Variants in TRPC7 observed in about 807,000 individuals in gnomAD.
The protein encoded by TRPC7 is transient receptor potential cation channel subfamily C member 7, also known as short transient receptor potential channel 7.
A neutral mutation model predicts 90.1 loss-of-function variants in TRPC7; 42 were observed. That is an observed-to-expected ratio of 0.47 (90% confidence interval 0.36 to 0.60). The LOEUF (loss-of-function observed/expected upper bound fraction) is 0.60. TRPC7 is among the 20% of genes least tolerant of loss of function. The pLI, the probability that TRPC7 is intolerant of heterozygous loss-of-function variation, is 0.00. For synonymous variants in TRPC7, 451 were observed against 436.3 expected, an observed-to-expected ratio of 1.03 and a Z score of -0.42; for missense variants, 955 against 1,112.3, an observed-to-expected ratio of 0.86 and a Z score of 2.01.
At position 136,216,258 on chromosome 5, in the gene TRPC7, G is replaced by C; in HGVS notation, c.2361C>G (p.Leu787=). The C allele has an allele frequency of 1.9e-6, 3 of 1,613,068 alleles. No homozygotes were observed. The highest frequency in any genetic ancestry group is 2.5e-6 in the Non-Finnish European group (3 of 1,179,552). The change falls in exon 11 of 12, where the codon CTC becomes CTG. Residue 787 remains leucine (L), a synonymous_variant. Transcript: ENST00000513104. ...PTRYQKIMKR[L]IKRYVLKAQV... is the part of the protein sequence containing the mutation. ...GGGCTTTCAGGACGTATCTTTTTAT[G>C]AGCCGTTTCATGATTTTCTGAAATG... is the stretch of plus-strand genomic sequence containing the variant.
intron 3 of TRPC7, among the ~76,000 whole-genome samples, chr5:136,291,393 A>G (rs1245491776): frequency 6.6e-6 from 1 of 152,172 alleles, no homozygotes; most frequent in Non-Finnish European, 1.5e-5. Flanking sequence ...TATTCAGAAA[A>G]CCCATCTCAT....
At chr5:136,295,937 T>C (rs960726212) in intron 3 of TRPC7, among the ~76,000 whole-genome samples, 1 of 152,268 alleles carries the variant, frequency 6.6e-6, no homozygotes, top group African/African-American at 2.4e-5. Flanking sequence ...CTTTCCTGTA[T>C]ACGCCATCAA....
chr5:136,252,803 T>C (rs939445890), intron 5 of TRPC7, among the ~76,000 whole-genome samples: 1 of 152,230 alleles, frequency 6.6e-6, no homozygotes, highest in African/African-American at 2.4e-5. Context: ...GCTCAGGAAG[T>C]AATGCTGGCT....
At chr5:136,254,847 C>G (rs1236034085) in intron 5 of TRPC7, among the ~76,000 whole-genome samples, 1 of 152,148 alleles carries the variant, frequency 6.6e-6, no homozygotes, top group Non-Finnish European at 1.5e-5. Flanking sequence ...AGATGCCATT[C>G]AGAACATTAG....
chr5:136,309,177 G>A (rs1457068186), intron 3 of TRPC7, among the ~76,000 whole-genome samples: 1 of 152,184 alleles, frequency 6.6e-6, no homozygotes, highest in Non-Finnish European at 1.5e-5. Context: ...CACATTTTGT[G>A]TGCTCCCAGC....
At chr5:136,317,610 C>A (rs1425295544) in intron 2 of TRPC7, among the ~76,000 whole-genome samples, 1 of 152,204 alleles carries the variant, frequency 6.6e-6, no homozygotes, top group African/African-American at 2.4e-5. Context: ...TGTGGCAACT[C>A]AGGTTCCTTA....
chr5:136,235,754 T>C (rs957423366), intron 7 of TRPC7, among the ~76,000 whole-genome samples: 1 of 152,176 alleles, frequency 6.6e-6, no homozygotes, highest in African/African-American at 2.4e-5. Flanking sequence ...AGACTAGATA[T>C]GAGGTTCTTT....
At chr5:136,220,452 T>A (rs1230358271) in intron 10 of TRPC7, among the ~76,000 whole-genome samples, 1 of 152,142 alleles carries the variant, frequency 6.6e-6, no homozygotes, top group Non-Finnish European at 1.5e-5. Context: ...CTTATGAGGT[T>A]GAGATAAGAA....
chr5:136,262,463 T>C (rs557840304), intron 5 of TRPC7, among the ~76,000 whole-genome samples: 30 of 152,244 alleles, frequency 2.0e-4, no homozygotes, highest in African/African-American at 6.3e-4. Flanking sequence ...GCTCAACTAC[T>C]CTGATAAGGT....
chr5:136,314,622 T>C lies in TRPC7; in HGVS notation c.963+975A>G, dbSNP rs185392119. Among the ~76,000 whole-genome samples the C allele has an allele frequency of 4.5e-3, 683 of 152,300 alleles. 3 individuals carry two copies. Among genetic ancestry groups the C allele is most frequent in the Non-Finnish European group, 7.8e-3 (533 of 68,038 alleles). ...ATCAAACTTGGAAACTCTCCCTGGA[T>C]AAATTTCACAGATATATATATGGTT... is the stretch of plus-strand genomic sequence containing the variant. On this transcript the variant is annotated intron_variant, in intron 3 of 11. Coordinates refer to ENST00000513104, the MANE Select transcript of TRPC7 (RefSeq NM_020389.3).
intron 7 of TRPC7, among the ~76,000 whole-genome samples, chr5:136,238,283 CTT>C (rs1003984278): frequency 1.9e-4 from 29 of 152,350 alleles, no homozygotes; most frequent in Non-Finnish European, 2.9e-4. Context: ...CTTTTTGCCT[CTT>C]TTCCCTCTGA....
At chr5:136,282,739 A>G (rs1392167) in intron 3 of TRPC7, among the ~76,000 whole-genome samples, 13,168 of 152,266 alleles carry the variant, frequency 0.086, 723 homozygotes, top group Non-Finnish European at 0.13. Context: ...ACATGTGTGT[A>G]ACCCAGATGT....
chr5:136,358,260 C>T (rs1365030332), intron 1 of TRPC7, among the ~76,000 whole-genome samples: 1 of 152,158 alleles, frequency 6.6e-6, no homozygotes, highest in Non-Finnish European at 1.5e-5. Context: ...AATAGCTCAA[C>T]TTATATGCTG....
At chr5:136,303,399 C>T (rs1027510912) in intron 3 of TRPC7, among the ~76,000 whole-genome samples, 3 of 152,208 alleles carry the variant, frequency 2.0e-5, no homozygotes, top group Non-Finnish European at 4.4e-5. Flanking sequence ...ACTTAGTTAA[C>T]CTCACCTTCA....
At chr5:136,354,409 T>C (rs1343957969) in intron 2 of TRPC7, among the ~76,000 whole-genome samples, 1 of 152,182 alleles carries the variant, frequency 6.6e-6, no homozygotes, top group African/African-American at 2.4e-5. Context: ...GGGGGACAGA[T>C]GACATAAAGT....
Position 136,274,722 on chromosome 5 carries a change from A to G in TRPC7, c.1079T>C (p.Ile360Thr), listed in dbSNP as rs1017812223. ...GGCTATGGCGAGAAAAGGGAGGCCT[A>G]TGGAGACTCCAAAGACAGCCAGGAA... ...VKFLAVFGVS[I>T]GLPFLAIAYW... The change falls in exon 4 of 12, where the codon ATA becomes ACA. Residue 360 changes from isoleucine (I) to threonine (T), a missense_variant. Physicochemically the swap from Ile to Thr is moderately conservative, Grantham distance 89. Coordinates refer to ENST00000513104, the MANE Select transcript of TRPC7 (RefSeq NM_020389.3). 5.0e-6 allele frequency: 8 copies of G among 1,613,254 alleles called. No homozygotes were observed. The highest frequency in any genetic ancestry group is 2.2e-5 in the East Asian group (1 of 44,840).
At chr5:136,316,811 A>C (rs1759039628) in intron 2 of TRPC7, among the ~76,000 whole-genome samples, 1 of 152,240 alleles carries the variant, frequency 6.6e-6, no homozygotes, top group South Asian at 2.1e-4. Context: ...CTATTCAGAA[A>C]GTACACAAGA....
At chr5:136,224,727 T>G (rs1275620086) in intron 10 of TRPC7, among the ~76,000 whole-genome samples, 1 of 152,308 alleles carries the variant, frequency 6.6e-6, no homozygotes, top group East Asian at 1.9e-4. Flanking sequence ...TCTCCCCTCC[T>G]GGGCAAAGTT....
At position 136,251,873 on chromosome 5, in the gene TRPC7, C is replaced by G; in HGVS notation, c.1355G>C (p.Trp452Ser). 6.2e-7 allele frequency: 1 copy of G among 1,613,282 alleles called. No individual in the cohort carries two copies. The highest frequency in any genetic ancestry group is 8.5e-7 in the Non-Finnish European group (1 of 1,179,336). ...CTCCCAGATTTCCTTGCATTCGGAC[C>G]AAATCATTCCTGTGGGAGAAGGAGA... ...LIMKWVLGMI[W>S]SECKEIWEEG... Residue 452 changes from tryptophan (W) to serine (S), a missense_variant, in exon 6 of 12, where the codon TGG becomes TCG. Trp to Ser is a radical substitution (Grantham distance 177, BLOSUM62 -3). This residue lies in a region of TRPC7 where 484 missense variants were observed against 509.6 expected (regional missense o/e 0.95). Coordinates refer to ENST00000513104, the MANE Select transcript of TRPC7 (RefSeq NM_020389.3).
Sources: allele counts gnomAD v4.1 joint callset (sites outside exome capture counted in the v4.1 genomes callset), GRCh38; gene constraint gnomAD v4.1.1; regional missense constraint gnomAD v4.1.1; transcripts MANE v1.5; gene names NCBI Gene and HGNC (gene_info 2026-07-23, HGNC 2026-07-21).